Variants in PCDHA10 observed in about 807,000 individuals in gnomAD.
The protein encoded by PCDHA10 is protocadherin alpha 10.
Under a neutral mutation model 61.2 loss-of-function variants are expected in PCDHA10, and 45 were observed. The observed-to-expected ratio is 0.74, with a 90% CI of 0.58 to 0.94. The LOEUF is 0.94. PCDHA10 is among the 40% of genes least tolerant of loss of function. The probability of loss-of-function intolerance (pLI) is 0.00; values close to 1 mark genes in which losing one functional copy is unlikely to be tolerated. For missense variants in PCDHA10, 1,278 were observed against 1,236.2 expected (o/e 1.03, Z -0.51); for synonymous variants, 602 against 548.8 (o/e 1.10, Z -1.35).
Position 140,858,208 on chromosome 5 carries a change from G to A in PCDHA10, c.2160G>A (p.Arg720=). 3 of 1,595,856 alleles carry A rather than the reference G, an allele frequency of 1.9e-6. 1 individual carries two copies. The highest frequency in any genetic ancestry group is 2.6e-6 in the Non-Finnish European group (3 of 1,166,438). The part of the protein sequence containing the change: ...VLTLLLYTAL[R]CSAAPTEGAC... ...CGCTGCTGCTGTACACTGCACTGAG[G>A]TGCTCGGCGGCGCCCACCGAGGGCG... Residue 720 remains arginine, a synonymous_variant, in exon 1 of 4, where the codon AGG becomes AGA. Coordinates refer to ENST00000307360, the MANE Select transcript of PCDHA10 (RefSeq NM_018901.4).
chr5:140,858,013 G>T lies in PCDHA10; in HGVS notation c.1965G>T (p.Glu655Asp). Residue 655 changes from glutamate (E) to aspartate (D), a missense_variant, in exon 1 of 4, where the codon GAG becomes GAT. Coordinates refer to ENST00000307360, the MANE Select transcript of PCDHA10 (RefSeq NM_018901.4). ...RLLVLVKDHG[E>D]PSLTATATVL... ...TGGTGCTGGTGAAGGACCATGGCGAGCCGTCGCTGACGGCCACGGCCACTG... is the reference window on the plus strand; with the variant it reads ...TGGTGCTGGTGAAGGACCATGGCGATCCGTCGCTGACGGCCACGGCCACTG... 6.3e-7 allele frequency: 1 copy of T among 1,596,968 alleles called. No homozygotes were observed. The highest frequency in any genetic ancestry group is 1.7e-4 in the Middle Eastern group (1 of 5,996).
rs1190027185 is a variant in PCDHA10, at chr5:140,882,058, C to T, written c.2388+23622C>T. On this transcript the variant is annotated intron_variant, in intron 1 of 3. Transcript: ENST00000307360. ...GAAGACTGAGTCATACTTACACTTA[C>T]ACGTTCATGCGCATGGTGTCGCTCT... is the stretch of plus-strand genomic sequence containing the variant. 1.0e-5 allele frequency: 8 copies of T among 794,854 alleles called. No individual in the cohort carries two copies. The Admixed American group carries it at 2.4e-4, about 24-fold the overall frequency. The allele number at this position is 794,854 out of a possible 1,614,324, so 49.2% of individuals were successfully genotyped here.
chr5:140,954,836 A>T (rs1185482098), intron 1 of PCDHA10, among the ~76,000 whole-genome samples: 1 of 152,086 alleles, frequency 6.6e-6, no homozygotes, highest in Non-Finnish European at 1.5e-5. Context: ...TTTGTCATGA[A>T]ATCTTTGCCT....
intron 1 of PCDHA10, chr5:140,926,257 C>CT (rs1336723706): frequency 4.6e-5 from 7 of 152,300 alleles, no homozygotes; most frequent in African/African-American, 1.7e-4. Flanking sequence ...ACCGTCCCGC[C>CT]TCTCGCCGCC....
intron 3 of PCDHA10, among the ~76,000 whole-genome samples, chr5:141,008,894 A>G (rs782674482): frequency 9.9e-5 from 15 of 152,254 alleles, no homozygotes; most frequent in Non-Finnish European, 1.8e-4. Context: ...TGTTATTACA[A>G]TAAAATTAAG....
chr5:141,002,681 C>T (rs556518008), intron 3 of PCDHA10, among the ~76,000 whole-genome samples: 32 of 152,154 alleles, frequency 2.1e-4, no homozygotes, highest in Non-Finnish European at 4.0e-4. Context: ...ACCTATACGA[C>T]GTGCAGATTT....
chr5:140,991,386 G>T (rs1044991848), intron 3 of PCDHA10, among the ~76,000 whole-genome samples: 2 of 152,168 alleles, frequency 1.3e-5, no homozygotes, highest in African/African-American at 4.8e-5. Context: ...CAACTGTAGG[G>T]TGTCTGTATT....
At position 140,998,856 on chromosome 5, in the gene PCDHA10, C is replaced by T. The variant is rs77103467; in HGVS notation, c.2537-10771C>T. 2.6e-3 allele frequency among the ~76,000 whole-genome samples: 397 copies of T among 152,354 alleles called. 2 individuals carry two copies. Among genetic ancestry groups the T allele is most frequent in the African/African-American group, 9.1e-3 (380 of 41,584 alleles). ...TGGATTACTGGTGTGAGCCACATGC[C>T]TGGCCTTGTAAATAATAAGTTTAGT... On this transcript the variant is annotated intron_variant, in intron 3 of 3. Coordinates refer to ENST00000307360, the MANE Select transcript of PCDHA10 (RefSeq NM_018901.4).
intron 1 of PCDHA10, among the ~76,000 whole-genome samples, chr5:140,975,683 G>A (rs1226769029): frequency 2.0e-5 from 3 of 151,934 alleles, no homozygotes; most frequent in Non-Finnish European, 2.9e-5. Context: ...AATAAAATAG[G>A]GTATTTTAAA....
chr5:140,858,272 G>C lies in PCDHA10; in HGVS notation c.2224G>C (p.Ala742Pro). Residue 742 changes from alanine (A) to proline (P), a missense_variant, in exon 1 of 4, where the codon GCG (alanine) becomes CCG (proline). Ala to Pro is a conservative substitution (Grantham distance 27). Transcript: ENST00000307360. The part of the protein sequence containing the change: ...PVKPTLVCSS[A>P]VGSWSYSQQR... Reference sequence around the variant, plus strand: ...GAAGCCCACGCTGGTGTGCTCTAGCGCGGTGGGGAGCTGGTCTTACTCGCA... The same window carrying C: ...GAAGCCCACGCTGGTGTGCTCTAGCCCGGTGGGGAGCTGGTCTTACTCGCA... The C allele has an allele frequency of 6.3e-7, 1 of 1,597,346 alleles. No individual in the cohort carries two copies. Among genetic ancestry groups the C allele is most frequent in the Non-Finnish European group, 8.6e-7 (1 of 1,167,082 alleles).
At chr5:140,863,655 G>T in intron 1 of PCDHA10, 1 of 295,936 alleles carries the variant, frequency 3.4e-6, no homozygotes, top group Non-Finnish European at 6.6e-6. Context: ...TAATTTGATT[G>T]CTTTATTTAT....
In PCDHA10 at chr5:140,893,987, T is replaced by C. The variant is rs112405686; in HGVS notation, c.2388+35551T>C. Among the ~76,000 whole-genome samples, 507 of 152,320 alleles carry C rather than the reference T, an allele frequency of 3.3e-3. 2 individuals carry two copies. The highest frequency in any genetic ancestry group is 0.012 in the African/African-American group (487 of 41,562). ...TAGATACTTTTATAATTTTAAAATA[T>C]CTCCAATTGTATGGTTGGTTCAAAT... is the stretch of plus-strand genomic sequence containing the variant. On this transcript the variant is annotated intron_variant, in intron 1 of 3. Transcript: ENST00000307360.
chr5:140,892,413 T>C (rs1554185182), intron 1 of PCDHA10, among the ~76,000 whole-genome samples: 1 of 152,222 alleles, frequency 6.6e-6, no homozygotes, highest in Non-Finnish European at 1.5e-5. Context: ...CTTCAGGTAT[T>C]CTAGATAAAA....
rs199529084 is a variant in PCDHA10, at chr5:140,856,259, G to C, written c.211G>C (p.Gly71Arg). The C allele has an allele frequency of 2.8e-5, 44 of 1,598,088 alleles. 4 individuals are homozygous for C. Among genetic ancestry groups the C allele is most frequent in the Non-Finnish European group, 3.5e-5 (41 of 1,167,866 alleles). ...RLFRVASKRH[G>R]DLLEVNLQNG... Reference sequence around the variant, plus strand: ...GTTCCGGGTGGCGTCCAAAAGACACGGGGACCTTCTGGAGGTAAATCTGCA... The same window carrying C: ...GTTCCGGGTGGCGTCCAAAAGACACCGGGACCTTCTGGAGGTAAATCTGCA... Residue 71 changes from glycine to arginine, a missense_variant, in exon 1 of 4, where the codon GGG (glycine) becomes CGG (arginine). Physicochemically the swap from Gly to Arg is moderately radical, Grantham distance 125. Coordinates refer to ENST00000307360, the MANE Select transcript of PCDHA10 (RefSeq NM_018901.4).
intron 1 of PCDHA10, chr5:140,968,070 A>T: frequency 6.2e-7 from 1 of 1,614,152 alleles, no homozygotes; most frequent in Non-Finnish European, 8.5e-7. Context: ...GTGGCTGTCT[A>T]CAACATCACG....
intron 1 of PCDHA10, among the ~76,000 whole-genome samples, chr5:140,935,239 A>G (rs1554210410): frequency 1.3e-5 from 2 of 152,172 alleles, no homozygotes. Flanking sequence ...TCTATTTTTT[A>G]AAAGATAAAA....
In PCDHA10 at chr5:140,911,678, G is replaced by A. The variant is rs551063911; in HGVS notation, c.2388+53242G>A. ...CTAAACTCCTTGCCTCTCACGAACCGTGCATCAGGAGTGTCAAATGAATTT... is the reference window on the plus strand; with the variant it reads ...CTAAACTCCTTGCCTCTCACGAACCATGCATCAGGAGTGTCAAATGAATTT... On this transcript the variant is annotated intron_variant, in intron 1 of 3. Coordinates refer to ENST00000307360, the MANE Select transcript of PCDHA10 (RefSeq NM_018901.4). Among the ~76,000 whole-genome samples the A allele has an allele frequency of 7.9e-5, 12 of 152,234 alleles. No homozygotes were observed. The South Asian group carries it at 1.2e-3, about 16-fold the overall frequency.
intron 1 of PCDHA10, chr5:140,876,186 T>A: frequency 1.2e-6 from 2 of 1,613,960 alleles, no homozygotes; most frequent in Middle Eastern, 1.6e-4. Context: ...TGAATGACAA[T>A]GGTCCGGCGT....
At chr5:140,875,438 T>C (rs1554167643) in intron 1 of PCDHA10, 1 of 1,568,134 alleles carries the variant, frequency 6.4e-7, no homozygotes, top group Non-Finnish European at 8.6e-7. Flanking sequence ...CCCTTAAAAC[T>C]GATTGTCCCA....
Sources: allele counts gnomAD v4.1 joint callset (sites outside exome capture counted in the v4.1 genomes callset), GRCh38; gene constraint gnomAD v4.1.1; transcripts MANE v1.5; gene names NCBI Gene and HGNC (gene_info 2026-07-23, HGNC 2026-07-21).